PCDH11X: variants seen among roughly 807,000 people sequenced by gnomAD.
The protein encoded by PCDH11X is protocadherin-11 X-linked.
PCDH11X carries 18 observed loss-of-function variants against 53.3 expected under a neutral mutation model. The observed-to-expected ratio is 0.34, with a 90% CI of 0.23 to 0.50. The LOEUF is 0.50. Among genes scored for constraint, PCDH11X ranks in the 20% least tolerant of loss-of-function variants. The pLI is 0.98. For synonymous variants in PCDH11X, 279 were observed against 393.3 expected (o/e 0.71, Z 3.44); for missense variants, 570 against 1,032.4 (o/e 0.55, Z 6.14).
intron 8 of PCDH11X, among the ~76,000 whole-genome samples, chrX:92,308,842 T>C (rs1160081895): frequency 1.8e-5 from 2 of 110,516 alleles, no homozygotes; most frequent in Non-Finnish European, 3.8e-5. Context: ...GAATAAGTTC[T>C]CCAAAGATAA....
At chrX:91,998,828 G>A (rs2062461759) in intron 6 of PCDH11X, among the ~76,000 whole-genome samples, 1 of 111,307 alleles carries the variant, frequency 9.0e-6, no homozygotes, top group Non-Finnish European at 1.9e-5. Flanking sequence ...ACAGTAGTAA[G>A]CATTCAGTAC....
At chrX:91,915,741 A>G (rs1941537519) in intron 6 of PCDH11X, among the ~76,000 whole-genome samples, 1 of 111,668 alleles carries the variant, frequency 9.0e-6, no homozygotes, top group South Asian at 3.7e-4. Context: ...CTACATAATA[A>G]TAGTGCAGGA....
intron 1 of PCDH11X, among the ~76,000 whole-genome samples, chrX:91,786,672 TA>T (rs1935345674): frequency 1.1e-5 from 1 of 89,935 alleles, no homozygotes; most frequent in Non-Finnish European, 2.2e-5. Flanking sequence ...ATTTTTTGAG[TA>T]GAAAAAGAAG....
chrX:92,336,316 CTT>C (rs1224646624), intron 8 of PCDH11X, among the ~76,000 whole-genome samples: 3 of 111,403 alleles, frequency 2.7e-5, no homozygotes, highest in Admixed American at 9.6e-5. Context: ...AAAATTGAAT[CTT>C]GAGATATTTT....
rs1243546149 is a variant in PCDH11X at position 92,239,492 on chromosome X, C to A, written c.3115-23622C>A. Reference sequence around the variant, plus strand: ...TAATATACTTAACCATGAAAATTAACTTGAGTACTGATGCAGAGGAACTGT... The same window carrying A: ...TAATATACTTAACCATGAAAATTAAATTGAGTACTGATGCAGAGGAACTGT... On this transcript the variant is annotated intron_variant, in intron 7 of 10. Transcript: ENST00000682573. Among the ~76,000 whole-genome samples the A allele has an allele frequency of 6.3e-5, 7 of 111,483 alleles. No homozygotes were observed. In the Admixed American group the frequency reaches 6.7e-4, roughly 11 times the overall value.
chrX:92,457,068 A>G (rs2072921779), intron 9 of PCDH11X, among the ~76,000 whole-genome samples: 1 of 108,891 alleles, frequency 9.2e-6, no homozygotes, highest in Non-Finnish European at 1.9e-5. Flanking sequence ...CTAAAATAAT[A>G]ATCATATATC....
Position 91,841,687 on chromosome X carries a change from T to A in PCDH11X, c.540+5643T>A, listed in dbSNP as rs192414485. 4.4e-3 allele frequency among the ~76,000 whole-genome samples: 486 copies of A among 111,233 alleles called. 4 individuals carry two copies. Among genetic ancestry groups the A allele is most frequent in the Admixed American group, 0.028 (284 of 10,325 alleles). ...TGAGGTTGTATTACACAGATCTAAT[T>A]GTCTTTAACAATTTTGATCAATGCT... On this transcript the variant is annotated intron_variant, in intron 5 of 10. Coordinates refer to ENST00000682573, the MANE Select transcript of PCDH11X (RefSeq NM_032968.5).
chrX:91,804,263 A>T (rs1193383843), intron 1 of PCDH11X, among the ~76,000 whole-genome samples: 3 of 111,415 alleles, frequency 2.7e-5, no homozygotes, highest in African/African-American at 9.8e-5. Context: ...CAGTGAGAAT[A>T]TGATTTATTT....
At position 92,552,994 on chromosome X, in the gene PCDH11X, C is replaced by CCTGTGT. The variant is rs753893286; in HGVS notation, c.3368-65270_3368-65269insCTGTGT. Among the ~76,000 whole-genome samples, 3 of 88,903 alleles carry CCTGTGT rather than the reference C, an allele frequency of 3.4e-5. No homozygotes were observed. In the Admixed American group the frequency reaches 3.8e-4, roughly 11 times the overall value. 77.2% of individuals were successfully genotyped at this position (88,903 alleles called of 115,157 possible). The stretch of plus-strand genomic sequence containing the variant: ...ATCACGGATATTGTCCTGCAATTTT[C>CCTGTGT]GTGTGTGTGTGTGTGTGTGTGTGTG... On this transcript the variant is annotated intron_variant, in intron 10 of 10. Transcript: ENST00000682573.
Position 92,326,622 on chromosome X carries a change from CTA to C in PCDH11X, c.3145-61096_3145-61095del, listed in dbSNP as rs1160866218. Reference sequence around the variant, plus strand: ...ATTATTTTCAATTATTTTTAATAAACTATATATATATATATATAGAGAGAGAG... The same window carrying C: ...ATTATTTTCAATTATTTTTAATAAACTATATATATATATATAGAGAGAGAG... On this transcript the variant is annotated intron_variant, in intron 8 of 10. Transcript: ENST00000682573. 9.6e-4 allele frequency among the ~76,000 whole-genome samples: 44 copies of C among 45,741 alleles called. 6 individuals are homozygous for C. The highest frequency in any genetic ancestry group is 7.4e-3 in the South Asian group (4 of 544). The allele number at this position is 45,741 out of a possible 115,157, so 39.7% of individuals were successfully genotyped here. A position where few individuals can be genotyped will look rare whatever the true frequency, so the allele number is the denominator to read the frequency against.
chrX:92,481,128 G>A (rs1218243470), intron 10 of PCDH11X, among the ~76,000 whole-genome samples: 1 of 111,200 alleles, frequency 9.0e-6, no homozygotes, highest in Non-Finnish European at 1.9e-5. Flanking sequence ...TCTGTTCCTA[G>A]TTTCACTCTG....
chrX:92,507,492 C>A (rs2074085190), intron 10 of PCDH11X, among the ~76,000 whole-genome samples: 1 of 110,992 alleles, frequency 9.0e-6, no homozygotes, highest in South Asian at 3.8e-4. Context: ...CTCGGTTGGG[C>A]TAGATTGGTG....
At chrX:92,142,898 T>C (rs2065209471) in intron 6 of PCDH11X, among the ~76,000 whole-genome samples, 1 of 92,372 alleles carries the variant, frequency 1.1e-5, no homozygotes, top group Non-Finnish European at 2.1e-5. Context: ...TTGATATATA[T>C]ACACCACACA....
At chrX:92,607,528 C>T (rs1418738360) in intron 10 of PCDH11X, among the ~76,000 whole-genome samples, 1 of 111,216 alleles carries the variant, frequency 9.0e-6, no homozygotes, top group Non-Finnish European at 1.9e-5. Flanking sequence ...TAAAGATGTC[C>T]CAGAATTGAG....
At chrX:92,114,143 C>A (rs2064584243) in intron 6 of PCDH11X, 1 of 1,177,815 alleles carries the variant, frequency 8.5e-7, no homozygotes, top group African/African-American at 1.8e-5. Context: ...CGAGTGGGTG[C>A]TAGGACCAAG....
At chrX:92,383,404 C>A (rs918605744) in intron 8 of PCDH11X, among the ~76,000 whole-genome samples, 1 of 108,813 alleles carries the variant, frequency 9.2e-6, no homozygotes, top group Non-Finnish European at 1.9e-5. Flanking sequence ...TATACACATG[C>A]CATGGTGGTT....
intron 6 of PCDH11X, among the ~76,000 whole-genome samples, chrX:91,931,089 T>G (rs1942119544): frequency 9.3e-6 from 1 of 107,954 alleles, no homozygotes; most frequent in Non-Finnish European, 1.9e-5. Flanking sequence ...GATAGTTTTG[T>G]TTTTTCATTT....
At position 92,102,215 on chromosome X, in the gene PCDH11X, C is replaced by T. The variant is rs192705629; in HGVS notation, c.3034-99160C>T. 3.1e-3 allele frequency among the ~76,000 whole-genome samples: 343 copies of T among 110,993 alleles called. 2 individuals are homozygous for T. The highest frequency in any genetic ancestry group is 0.011 in the African/African-American group (333 of 30,435). On this transcript the variant is annotated intron_variant, in intron 6 of 10. Coordinates refer to ENST00000682573, the MANE Select transcript of PCDH11X (RefSeq NM_032968.5). ...GGAGCCGGGGAGCAGAAAGTATATG[C>T]GTCAGGTATGAGGAAGAAAATAGAT...
intron 6 of PCDH11X, among the ~76,000 whole-genome samples, chrX:91,969,153 A>C (rs774339065): frequency 9.1e-6 from 1 of 110,015 alleles, no homozygotes; most frequent in Non-Finnish European, 1.9e-5. Context: ...ACCTCTCATT[A>C]TTACCCAAAG....
Sources: allele counts gnomAD v4.1 joint callset (sites outside exome capture counted in the v4.1 genomes callset), GRCh38; gene constraint gnomAD v4.1.1; transcripts MANE v1.5; gene names NCBI Gene and HGNC (gene_info 2026-07-23, HGNC 2026-07-21).